Variants in STAG2 observed in about 807,000 individuals in gnomAD.
STAG2 encodes STAG2 cohesin complex component, also known as cohesin subunit SA-2.
STAG2 carries 14 observed loss-of-function variants against 108.1 expected under a neutral mutation model. The observed-to-expected ratio is 0.13, with a 90% CI of 0.09 to 0.20. The LOEUF (loss-of-function observed/expected upper bound fraction) is 0.20, where lower values mean the gene tolerates loss of function less well. Ranked by LOEUF, STAG2 falls within the 10% of genes least tolerant of loss-of-function variation. The probability of loss-of-function intolerance (pLI) is 1.00; values close to 1 mark genes in which losing one functional copy is unlikely to be tolerated. For synonymous variants in STAG2, 307 were observed against 302.7 expected (o/e 1.01, Z -0.15); for missense variants, 440 against 940.9 (o/e 0.47, Z 6.96).
At chrX:124,077,620 A>G (rs772799829) in intron 26 of STAG2, among the ~76,000 whole-genome samples, 25 of 112,035 alleles carry the variant, frequency 2.2e-4, no homozygotes, top group Non-Finnish European at 3.6e-4. Context: ...TTTTACAAAG[A>G]GAATTTTGTT....
chrX:124,036,716 C>A (rs958272902), intron 5 of STAG2, among the ~76,000 whole-genome samples: 5 of 110,482 alleles, frequency 4.5e-5, no homozygotes, highest in Admixed American at 9.7e-5. Flanking sequence ...CCTCTCTTGC[C>A]CCGAAAGGAA....
Position 124,045,060 on chromosome X carries a change from G to C in STAG2, c.463-104G>C. On this transcript the variant is annotated intron_variant, in intron 7 of 34. Coordinates refer to ENST00000371145, the MANE Select transcript of STAG2 (RefSeq NM_001042750.2). ...AGGATTTATTGGAGAAGAAAGGTGA[G>C]ATAAAGATACCTTTTCATGCTTTTG... The C allele has an allele frequency of 5.8e-6, 4 of 694,337 alleles. No individual in the cohort carries two copies. The South Asian group carries it at 1.0e-4, about 18-fold the overall frequency. 57.2% of individuals were successfully genotyped at this position (694,337 alleles called of 1,213,427 possible).
intron 6 of STAG2, among the ~76,000 whole-genome samples, chrX:124,038,783 C>A (rs1304500648): frequency 9.0e-6 from 1 of 111,562 alleles, no homozygotes; most frequent in Non-Finnish European, 1.9e-5. Flanking sequence ...ATATAGAAAG[C>A]TGCCTAGTTT....
chrX:124,097,220 A>G (rs997140531), intron 34 of STAG2, among the ~76,000 whole-genome samples: 17 of 106,530 alleles, frequency 1.6e-4, no homozygotes, highest in East Asian at 8.8e-4. Context: ...ATCTGCTTCA[A>G]TTGGTCTTAA....
chrX:124,094,397 A>T (rs765113546), intron 33 of STAG2, among the ~76,000 whole-genome samples: 12 of 111,694 alleles, frequency 1.1e-4, no homozygotes, highest in African/African-American at 3.6e-4. Flanking sequence ...ATATAGGTTT[A>T]AAGGGTATAT....
chrX:124,013,348 C>T (rs985548706), intron 1 of STAG2, among the ~76,000 whole-genome samples: 6 of 110,356 alleles, frequency 5.4e-5, no homozygotes, highest in Admixed American at 1.9e-4. Context: ...CACACACACA[C>T]GCACACCAGT....
At chrX:124,050,051 C>G in intron 10 of STAG2, 135 bp from the exon 11 acceptor site, 1 of 770,763 alleles carries the variant, frequency 1.3e-6, no homozygotes, top group Non-Finnish European at 1.8e-6. Flanking sequence ...TGCTTCATTT[C>G]TATTTTTTAA....
At chrX:123,968,888 CG>C (rs1444962656) in intron 1 of STAG2, among the ~76,000 whole-genome samples, 1 of 111,655 alleles carries the variant, frequency 9.0e-6, no homozygotes, top group Non-Finnish European at 1.9e-5. Context: ...GGGAAATTGA[CG>C]CTCTCAGAGA....
chrX:123,968,698 G>C (rs971325370), intron 1 of STAG2, among the ~76,000 whole-genome samples: 1 of 111,949 alleles, frequency 8.9e-6, no homozygotes, highest in Non-Finnish European at 1.9e-5. Flanking sequence ...TCGTTCAAGG[G>C]GGGTGAAAAA....
intron 1 of STAG2, among the ~76,000 whole-genome samples, chrX:124,018,664 C>CTGATTTTT (rs1260306190): frequency 2.7e-5 from 3 of 110,523 alleles, no homozygotes; most frequent in African/African-American, 9.9e-5. Flanking sequence ...TCATGCCCGG[C>CTGATTTTT]TGATTTTTTG....
chrX:124,050,266 A>C lies in STAG2; in HGVS notation c.974A>C (p.Asn325Thr). 1 of 1,210,116 alleles carries C rather than the reference A, an allele frequency of 8.3e-7. No homozygotes were observed. The highest frequency in any genetic ancestry group is 1.1e-6 in the Non-Finnish European group (1 of 894,677). Residue 325 changes from asparagine to threonine, a missense_variant, in exon 11 of 35, where the codon AAT (asparagine) becomes ACT (threonine). This residue lies in a region of STAG2 where 69 missense variants were observed against 254.9 expected (regional missense o/e 0.27). Transcript: ENST00000371145. ...AAGATGTATAGTGATGCCTTTCTTA[A>C]TGACAGTTATTTAAAATATGTTGGT... ...WMKMYSDAFL[N>T]DSYLKYVGWT... is the part of the protein sequence containing the mutation.
chrX:123,983,952 A>C (rs187703463), intron 1 of STAG2, among the ~76,000 whole-genome samples: 16 of 96,709 alleles, frequency 1.7e-4, no homozygotes, highest in Admixed American at 8.9e-4. Context: ...GTGTCAGAAA[A>C]AGAATAATTT....
intron 10 of STAG2, among the ~76,000 whole-genome samples, chrX:124,049,654 A>G (rs2057979708): frequency 8.9e-6 from 1 of 111,961 alleles, no homozygotes; most frequent in Non-Finnish European, 1.9e-5. Flanking sequence ...TATTGTCACC[A>G]TTACCTTAGT....
At chrX:124,020,518 A>G (rs2147987986) in intron 1 of STAG2, among the ~76,000 whole-genome samples, 1 of 111,370 alleles carries the variant, frequency 9.0e-6, no homozygotes, top group African/African-American at 3.3e-5. Context: ...ACATATGATG[A>G]CAAACTTCAG....
intron 1 of STAG2, among the ~76,000 whole-genome samples, chrX:123,981,996 C>T (rs1268986595): frequency 1.8e-5 from 2 of 110,902 alleles, no homozygotes; most frequent in Non-Finnish European, 3.8e-5. Context: ...CCTCACTACC[C>T]CTGGCCACCT....
In STAG2 at chrX:124,094,806, T is replaced by C. The variant is rs183334202; in HGVS notation, c.3706-566T>C. ...CAGTCTTATGATTCTTTTTAGTATA[T>C]TGTGTATTCTTCTTAAATAATTAAA... On this transcript the variant is annotated intron_variant, in intron 33 of 34. Coordinates refer to ENST00000371145, the MANE Select transcript of STAG2 (RefSeq NM_001042750.2). Among the ~76,000 whole-genome samples, 3 of 112,314 alleles carry C rather than the reference T, an allele frequency of 2.7e-5. No individual in the cohort carries two copies. The East Asian group carries it at 8.3e-4, about 31-fold the overall frequency.
chrX:123,986,558 C>A lies in STAG2; in HGVS notation c.-163+24702C>A, dbSNP rs747858217. Among the ~76,000 whole-genome samples, 282 of 111,522 alleles carry A rather than the reference C, an allele frequency of 2.5e-3. 2 individuals are homozygous for A. The highest frequency in any genetic ancestry group is 4.1e-3 in the South Asian group (11 of 2,689). ...GTAGATTTAAGAGCACCTATGACAC[C>A]TTTATTGACTGTGTGACCCTGTTGT... is the stretch of plus-strand genomic sequence containing the variant. On this transcript the variant is annotated intron_variant, in intron 1 of 34. Transcript: ENST00000371145.
At chrX:124,054,185 A>T (rs1187735737) in intron 13 of STAG2, among the ~76,000 whole-genome samples, 2 of 112,445 alleles carry the variant, frequency 1.8e-5, no homozygotes, top group African/African-American at 6.5e-5. Context: ...CATTGTTTGT[A>T]ATAGCAGAAT....
chrX:123,976,781 C>T (rs1424045250), intron 1 of STAG2, among the ~76,000 whole-genome samples: 3 of 111,566 alleles, frequency 2.7e-5, no homozygotes, highest in Admixed American at 9.6e-5. Context: ...AGAGACTTGC[C>T]CAAGATCACT....
Sources: gnomAD v4.1 joint callset for allele counts (sites outside exome capture counted in the v4.1 genomes callset) on GRCh38, gnomAD v4.1.1 for gene constraint, gnomAD v4.1.1 regional missense constraint, MANE v1.5 for transcripts, NCBI Gene and HGNC (gene_info 2026-07-23, HGNC 2026-07-21) for gene names.